TRIM52: variants seen among roughly 807,000 people sequenced by gnomAD.
TRIM52 encodes E3 ubiquitin-protein ligase TRIM52.
A neutral mutation model predicts 27.0 loss-of-function variants in TRIM52; 24 were observed. The observed-to-expected ratio is 0.89, with a 90% CI of 0.64 to 1.25. The LOEUF (loss-of-function observed/expected upper bound fraction) is 1.25. Ranked by LOEUF, TRIM52 falls within the 50% of genes most tolerant of loss-of-function variation. The probability of loss-of-function intolerance (pLI) is 0.00; values close to 1 mark genes in which losing one functional copy is unlikely to be tolerated. For synonymous variants in TRIM52, 125 were observed against 126.5 expected, an observed-to-expected ratio of 0.99 and a Z score of 0.08; for missense variants, 351 against 354.7, an observed-to-expected ratio of 0.99 and a Z score of 0.08.
rs1760013628 is a variant in TRIM52 at position 181,260,564 on chromosome 5, C to G, written c.250G>C (p.Glu84Gln). The G allele has an allele frequency of 6.2e-7, 1 of 1,614,074 alleles. No individual in the cohort carries two copies. The highest frequency in any genetic ancestry group is 1.3e-5 in the African/African-American group (1 of 74,996). The change falls in exon 1 of 2, where the codon GAG (glutamate) becomes CAG (glutamine). Residue 84 changes from glutamate (E) to glutamine (Q), a missense_variant. Transcript: ENST00000688015. The surrounding 1 kb of genome is among the most constrained non-coding windows in gnomAD (Gnocchi z 4.4). ...TCAGCATTCCCCCGATACAACACCT[C>G]TCGAATGGAGCCGTCCCATCCATCC... ...AMDGWDGSIREVLYRGNADEE... is the reference protein window; with the variant it reads ...AMDGWDGSIRQVLYRGNADEE...
chr5:181,253,637 T>C (rs577678994), downstream of TRIM52, among the ~76,000 whole-genome samples: 73 of 142,488 alleles, frequency 5.1e-4, 6 homozygotes, highest in South Asian at 9.0e-4. Flanking sequence ...CTATAATGCA[T>C]AGGACAGCTG....
chr5:181,258,788 C>T (rs1036990155), intron 1 of TRIM52: 3 of 151,752 alleles, frequency 2.0e-5, no homozygotes, highest in Non-Finnish European at 2.9e-5. Context: ...CTTACCCTTA[C>T]TATGTTCCAT....
downstream of TRIM52, among the ~76,000 whole-genome samples, chr5:181,253,993 T>C (rs1479716732): frequency 7.4e-6 from 1 of 135,092 alleles, no homozygotes. Flanking sequence ...AACAAAAGCA[T>C]TGAAAGAAAG....
At chr5:181,257,252 G>A in intron 1 of TRIM52, 1 of 1,293,636 alleles carries the variant, frequency 7.7e-7, no homozygotes, top group South Asian at 2.6e-5. Context: ...AATAAGTAAG[G>A]CTTTCTGGGC....
chr5:181,260,399 A>G lies in TRIM52; in HGVS notation c.415T>C (p.Leu139=). 1 of 1,611,328 alleles carries G rather than the reference A, an allele frequency of 6.2e-7. No individual in the cohort carries two copies. The highest frequency in any genetic ancestry group is 8.5e-7 in the Non-Finnish European group (1 of 1,179,858). ...EEDQDYYLGG[L]RPDLRIDVYR... is the part of the protein sequence containing the mutation. ...ACATCAATTCTCAGGTCAGGTCTCA[A>G]GCCTCCTAGGTAATAGTCCTGATCT... is the stretch of plus-strand genomic sequence containing the variant. The change falls in exon 1 of 2, where the codon TTG becomes CTG. Residue 139 remains leucine, a synonymous_variant. Transcript: ENST00000688015. This position sits in a 1 kb window ranked among gnomAD's most constrained non-coding sequence, Gnocchi z 4.4.
At chr5:181,258,752 T>C (rs575222700) in intron 1 of TRIM52, 1 of 152,184 alleles carries the variant, frequency 6.6e-6, no homozygotes, top group Non-Finnish European at 1.5e-5. Context: ...TATATATATA[T>C]AACTTAAAAG....
At chr5:181,251,468 CAA>C (rs905686485), downstream of TRIM52, among the ~76,000 whole-genome samples, 1 of 152,028 alleles carries the variant, frequency 6.6e-6, no homozygotes, top group African/African-American at 2.4e-5. Context: ...AACAAACAAA[CAA>C]AAAAACCCTC....
In TRIM52 at chr5:181,259,752, G is replaced by T; in HGVS notation, c.813+249C>A. ...CTGCCAGTATTAGCAGTAGTGGTCC[G>T]CTTCCAGTGACCGTCATATTATCTG... On this transcript the variant is annotated intron_variant, in intron 1 of 1. Transcript: ENST00000688015. 5 of 703,116 alleles carry T rather than the reference G, an allele frequency of 7.1e-6. No individual in the cohort carries two copies. In the South Asian group the frequency reaches 7.7e-5, roughly 11 times the overall value. The allele number at this position is 703,116 out of a possible 1,614,324, so 43.6% of individuals were successfully genotyped here.
rs1291427371 is a variant in TRIM52 at position 181,260,499 on chromosome 5, C to T, written c.315G>A (p.Trp105Ter). 1.9e-6 allele frequency: 3 copies of T among 1,613,962 alleles called. No individual in the cohort carries two copies. The highest frequency in any genetic ancestry group is 2.2e-5 in the East Asian group (1 of 44,866). Reference sequence around the variant, plus strand: ...AATTAGTTATACCACTGTCACCGAGCCAGAGTTCATCGTCATCTTGGTCTT... The same window carrying T: ...AATTAGTTATACCACTGTCACCGAGTCAGAGTTCATCGTCATCTTGGTCTT... ...LFQDQDDDELWLGDSGITNWD... is the reference protein window; with the variant it reads ...LFQDQDDDEL Residue 105 changes from tryptophan to a stop codon, truncating the protein, a stop_gained, in exon 1 of 2, where the codon TGG becomes TGA. Coordinates refer to ENST00000688015, the MANE Select transcript of TRIM52 (RefSeq NM_001346048.2). LOFTEE classifies it high-confidence loss of function. This position sits in a 1 kb window ranked among gnomAD's most constrained non-coding sequence, Gnocchi z 4.4.
rs2113259388 is a variant in TRIM52, at chr5:181,260,725, G to A, written c.89C>T (p.Pro30Leu). 6.2e-7 allele frequency: 1 copy of A among 1,613,996 alleles called. No individual in the cohort carries two copies. Among genetic ancestry groups the A allele is most frequent in the African/African-American group, 1.3e-5 (1 of 74,988 alleles). Residue 30 changes from proline (P) to leucine (L), a missense_variant, in exon 1 of 2, where the codon CCC (proline) becomes CTC (leucine). Coordinates refer to ENST00000688015, the MANE Select transcript of TRIM52 (RefSeq NM_001346048.2). The surrounding 1 kb of genome is among the most constrained non-coding windows in gnomAD (Gnocchi z 4.4). ...CAICLDYFKD[P>L]VSISCGHNFC... ...GTTGTGCCCACAGCTGATGGACACG[G>A]GGTCCTTGAAGTAATCCAAGCAGAT...
At chr5:181,249,400 C>T (rs1339433740), downstream of TRIM52, among the ~76,000 whole-genome samples, 1 of 152,102 alleles carries the variant, frequency 6.6e-6, no homozygotes, top group East Asian at 1.9e-4. Context: ...TATAGGAGCT[C>T]TTTGGTTGAG....
At chr5:181,249,865 CTG>C (rs1330546795), downstream of TRIM52, among the ~76,000 whole-genome samples, 1 of 139,360 alleles carries the variant, frequency 7.2e-6, no homozygotes, top group African/African-American at 2.8e-5. Flanking sequence ...GCGTCTCACT[CTG>C]TCACCCAGGC....
At chr5:181,250,166 T>TG (rs573591619), downstream of TRIM52, among the ~76,000 whole-genome samples, 1,334 of 152,224 alleles carry the variant, frequency 8.8e-3, 26 homozygotes, top group African/African-American at 0.031. Flanking sequence ...AGATGGACTG[T>TG]GGGCTAGGCC....
Position 181,260,741 on chromosome 5 carries a change from C to A in TRIM52, c.73G>T (p.Asp25Tyr). The A allele has an allele frequency of 6.2e-7, 1 of 1,613,902 alleles. No homozygotes were observed. The highest frequency in any genetic ancestry group is 8.5e-7 in the Non-Finnish European group (1 of 1,179,926). Residue 25 changes from aspartate (D) to tyrosine (Y), a missense_variant, in exon 1 of 2, where the codon GAT becomes TAT. Physicochemically the swap from Asp to Tyr is radical, Grantham distance 160. Transcript: ENST00000688015. The surrounding 1 kb of genome is among the most constrained non-coding windows in gnomAD (Gnocchi z 4.4). Reference protein sequence around the residue: ...QEEAVCAICLDYFKDPVSISC... With the variant: ...QEEAVCAICLYYFKDPVSISC... ...ATGGACACGGGGTCCTTGAAGTAAT[C>A]CAAGCAGATGGCACACACCGCTTCC... is the stretch of plus-strand genomic sequence containing the variant.
At chr5:181,257,400 A>G (rs1385135812) in intron 1 of TRIM52, 1 of 1,595,702 alleles carries the variant, frequency 6.3e-7, no homozygotes, top group East Asian at 2.2e-5. Flanking sequence ...TGGCTACCCA[A>G]CTTTTCACAC....
In TRIM52 at chr5:181,256,829, A is replaced by G; in HGVS notation, c.844T>C (p.Ser282Pro). The G allele has an allele frequency of 1.0e-6, 1 of 985,450 alleles. No individual in the cohort carries two copies. Among genetic ancestry groups the G allele is most frequent in the South Asian group, 4.7e-5 (1 of 21,284 alleles). 61.0% of individuals were successfully genotyped at this position (985,450 alleles called of 1,614,324 possible). A position where few individuals can be genotyped will look rare whatever the true frequency, so the allele number is the denominator to read the frequency against. Reference protein sequence around the residue: ...KIGSTSSVELSESVGQ With the variant: ...KIGSTSSVELPESVGQ ...TGGTGTCACTGCCCAACACTTTCAGATAACTCAACTGAAGAAGTTGACCCT... is the reference window on the plus strand; with the variant it reads ...TGGTGTCACTGCCCAACACTTTCAGGTAACTCAACTGAAGAAGTTGACCCT... The change falls in exon 2 of 2, where the codon TCT (serine) becomes CCT (proline). Residue 282 changes from serine (S) to proline (P), a missense_variant. By Grantham distance (74) the Ser-to-Pro change is moderately conservative. Transcript: ENST00000688015.
At position 181,260,643 on chromosome 5, in the gene TRIM52, G is replaced by C; in HGVS notation, c.171C>G (p.Asn57Lys). Reference sequence around the variant, plus strand: ...CCTCCTCCCATTCATCTTCCTCCTCGTTCTGGTCCTCCTCGTCCTCCTTAC... The same window carrying C: ...CCTCCTCCCATTCATCTTCCTCCTCCTTCTGGTCCTCCTCGTCCTCCTTAC... ...LWSKEDEEDQ[N>K]EEEDEWEEEE... The change falls in exon 1 of 2, where the codon AAC becomes AAG. Residue 57 changes from asparagine to lysine, a missense_variant. Coordinates refer to ENST00000688015, the MANE Select transcript of TRIM52 (RefSeq NM_001346048.2). The surrounding 1 kb of genome is among the most constrained non-coding windows in gnomAD (Gnocchi z 4.4). The C allele has an allele frequency of 6.2e-7, 1 of 1,613,510 alleles. No individual in the cohort carries two copies.
intron 1 of TRIM52, chr5:181,259,442 AGAAGGAAAACG>A (rs2113253068): frequency 5.9e-6 from 1 of 169,914 alleles, no homozygotes; most frequent in South Asian, 1.3e-4. Context: ...GCCTTTCTCT[AGAAGGAAAACG>A]GACCCCACTG....
downstream of TRIM52, among the ~76,000 whole-genome samples, chr5:181,249,501 C>CCAT (rs1157922391): frequency 6.6e-6 from 1 of 151,956 alleles, no homozygotes; most frequent in Non-Finnish European, 1.5e-5. Flanking sequence ...CAGTGAGACC[C>CCAT]CATCGCTATA....
Sources: gnomAD v4.1 joint callset for allele counts (sites outside exome capture counted in the v4.1 genomes callset) on GRCh38, gnomAD v4.1.1 for gene constraint, Gnocchi (gnomAD v3.1) non-coding constraint, MANE v1.5 for transcripts, NCBI Gene and HGNC (gene_info 2026-07-23, HGNC 2026-07-21) for gene names.